Variants in HDAC9 observed in about 807,000 individuals in gnomAD.
The protein encoded by HDAC9 is MEF-2 interacting transcription repressor (MITR) protein.
In HDAC9, 41 loss-of-function variants were observed where a neutral mutation model predicts 139.4. The observed-to-expected ratio is 0.29, with a 90% CI of 0.23 to 0.38. HDAC9 has a LOEUF of 0.38. Among genes scored for constraint, HDAC9 ranks in the 10% least tolerant of loss-of-function variants. The pLI, the probability that HDAC9 is intolerant of heterozygous loss-of-function variation, is 1.00. For missense variants in HDAC9, 1,147 were observed against 1,297.0 expected (o/e 0.88, Z 1.78); for synonymous variants, 517 against 476.2 (o/e 1.09, Z -1.12).
At chr7:18,256,820 G>A (rs538430832) in intron 2 of HDAC9, among the ~76,000 whole-genome samples, 1 of 152,194 alleles carries the variant, frequency 6.6e-6, no homozygotes, top group South Asian at 2.1e-4. Context: ...GGGCACAGGG[G>A]CTCATGCATG....
At chr7:18,250,892 T>TC (rs1371164389) in intron 2 of HDAC9, among the ~76,000 whole-genome samples, 1 of 152,232 alleles carries the variant, frequency 6.6e-6, no homozygotes, top group Admixed American at 6.5e-5. Context: ...AGCTTTTTTT[T>TC]CATGTTTGTT....
intron 2 of HDAC9, among the ~76,000 whole-genome samples, chr7:18,574,182 T>G (rs986436195): frequency 6.6e-6 from 1 of 151,924 alleles, no homozygotes; most frequent in Non-Finnish European, 1.5e-5. Flanking sequence ...CCCACAGTGG[T>G]TAGCTCCTTT....
chr7:18,387,168 A>G (rs1370068456), intron 1 of HDAC9, among the ~76,000 whole-genome samples: 2 of 152,346 alleles, frequency 1.3e-5, no homozygotes, highest in South Asian at 2.1e-4. Flanking sequence ...TCCCATTTTT[A>G]TAAGTTGAAT....
intron 13 of HDAC9, among the ~76,000 whole-genome samples, chr7:18,734,337 A>G (rs1476875521): frequency 1.3e-5 from 2 of 152,182 alleles, no homozygotes; most frequent in South Asian, 2.1e-4. Context: ...CCATCAACTT[A>G]TCATTTACAT....
At chr7:18,377,858 T>A (rs1785114652) in intron 1 of HDAC9, among the ~76,000 whole-genome samples, 1 of 152,206 alleles carries the variant, frequency 6.6e-6, no homozygotes, top group African/African-American at 2.4e-5. Flanking sequence ...TTTTATTATT[T>A]TTCCTTTTGT....
intron 1 of HDAC9, among the ~76,000 whole-genome samples, chr7:18,152,278 G>A (rs1162473188): frequency 6.6e-6 from 1 of 152,092 alleles, no homozygotes; most frequent in Non-Finnish European, 1.5e-5. Flanking sequence ...AACTATTAGA[G>A]CCAGCAACTT....
intron 2 of HDAC9, among the ~76,000 whole-genome samples, chr7:18,235,475 G>T (rs1397717100): frequency 6.6e-6 from 1 of 152,148 alleles, no homozygotes; most frequent in Non-Finnish European, 1.5e-5. Flanking sequence ...GTTGGGTCCG[G>T]TTCCCCACTG....
At chr7:18,141,992 C>T (rs1785932536) in intron 1 of HDAC9, among the ~76,000 whole-genome samples, 2 of 152,098 alleles carry the variant, frequency 1.3e-5, no homozygotes, top group Admixed American at 6.6e-5. Context: ...CACATAAAAC[C>T]TTGGGTTCTT....
At chr7:18,548,227 T>G (rs910875957) in intron 2 of HDAC9, among the ~76,000 whole-genome samples, 1 of 152,116 alleles carries the variant, frequency 6.6e-6, no homozygotes, top group Admixed American at 6.5e-5. Context: ...ACAGATTAAG[T>G]TCGCCGTCTT....
chr7:18,259,119 G>A (rs1026289835), intron 2 of HDAC9, among the ~76,000 whole-genome samples: 3 of 151,194 alleles, frequency 2.0e-5, no homozygotes, highest in Non-Finnish European at 4.4e-5. Context: ...ACAGACATGC[G>A]CCACCATGCC....
At chr7:18,843,652 A>G (rs1796726275) in intron 21 of HDAC9, among the ~76,000 whole-genome samples, 2 of 148,080 alleles carry the variant, frequency 1.4e-5, no homozygotes, top group South Asian at 2.1e-4. Context: ...TCTTTGGGTC[A>G]TAGAGTGAAT....
chr7:18,378,645 C>G (rs1363304138), intron 1 of HDAC9, among the ~76,000 whole-genome samples: 1 of 151,934 alleles, frequency 6.6e-6, no homozygotes, highest in African/African-American at 2.4e-5. Flanking sequence ...ACATGCCTAA[C>G]TGTAGATATA....
chr7:18,984,568 G>A (rs1027683404), intron 25 of HDAC9, among the ~76,000 whole-genome samples: 3 of 152,104 alleles, frequency 2.0e-5, no homozygotes, highest in Non-Finnish European at 4.4e-5. Flanking sequence ...TTGTGGTAAA[G>A]AAGCCAATTA....
At chr7:18,842,599 GA>G (rs1015985290) in intron 21 of HDAC9, among the ~76,000 whole-genome samples, 3 of 151,660 alleles carry the variant, frequency 2.0e-5, no homozygotes, top group Non-Finnish European at 4.4e-5. Context: ...CGGGTCACAA[GA>G]AAAAAAATCC....
intron 6 of HDAC9, among the ~76,000 whole-genome samples, chr7:18,614,078 G>C (rs901715382): frequency 2.2e-4 from 34 of 152,084 alleles, no homozygotes; most frequent in African/African-American, 8.0e-4. Context: ...ATTCTAACCA[G>C]TAGTCGTTTC....
chr7:18,916,932 C>G (rs1047392534), intron 22 of HDAC9, among the ~76,000 whole-genome samples: 12 of 151,958 alleles, frequency 7.9e-5, no homozygotes, highest in South Asian at 4.1e-4. Context: ...TGCAGAGCAT[C>G]CCAGAATGTT....
intron 6 of HDAC9, among the ~76,000 whole-genome samples, chr7:18,611,943 T>C (rs1433646340): frequency 1.3e-5 from 2 of 152,164 alleles, no homozygotes; most frequent in Non-Finnish European, 2.9e-5. Flanking sequence ...TCAAATAAGG[T>C]ATTTCAAAGG....
intron 22 of HDAC9, among the ~76,000 whole-genome samples, chr7:18,887,615 C>T (rs577867783): frequency 1.3e-5 from 2 of 152,054 alleles, no homozygotes; most frequent in Admixed American, 6.6e-5. Context: ...ATCATCCCCA[C>T]GAAATCTACT....
intron 2 of HDAC9, among the ~76,000 whole-genome samples, chr7:18,557,740 T>C (rs1819313942): frequency 1.3e-5 from 2 of 149,242 alleles, no homozygotes; most frequent in South Asian, 4.1e-4. Context: ...ATATTAAGTA[T>C]TATAAATTAT....
Sources: allele counts gnomAD v4.1 joint callset (sites outside exome capture counted in the v4.1 genomes callset), GRCh38; gene constraint gnomAD v4.1.1; transcripts MANE v1.5; gene names NCBI Gene and HGNC (gene_info 2026-07-23, HGNC 2026-07-21).